Variants in LRRTM4 observed in about 807,000 individuals in gnomAD.
LRRTM4 encodes leucine rich repeat transmembrane neuronal 4, also known as leucine-rich repeat transmembrane neuronal protein 4.
In LRRTM4, 25 loss-of-function variants were observed where a neutral mutation model predicts 47.6. The ratio of observed to expected loss-of-function variants is 0.53; its 90% confidence interval spans 0.38 to 0.73. LRRTM4 has a LOEUF of 0.73. Among genes scored for constraint, LRRTM4 ranks in the 30% least tolerant of loss-of-function variants. The probability of loss-of-function intolerance (pLI) is 0.00; values close to 1 mark genes in which losing one functional copy is unlikely to be tolerated. For missense variants in LRRTM4, 638 were observed against 713.4 expected, an observed-to-expected ratio of 0.89 and a Z score of 1.20; for synonymous variants, 311 against 269.5, an observed-to-expected ratio of 1.15 and a Z score of -1.51.
chr2:77,484,525 T>A (rs1390718823), intron 3 of LRRTM4, among the ~76,000 whole-genome samples: 1 of 152,228 alleles, frequency 6.6e-6, no homozygotes, highest in South Asian at 2.1e-4. Context: ...TTCTGTTTTT[T>A]CTTTTTCTAG....
intron 3 of LRRTM4, among the ~76,000 whole-genome samples, chr2:76,804,439 T>G (rs1444052880): frequency 2.6e-5 from 4 of 152,014 alleles, no homozygotes; most frequent in Non-Finnish European, 4.4e-5. Flanking sequence ...CACTGGAGAT[T>G]ATTCACCATA....
chr2:76,771,318 G>A (rs972152941), intron 3 of LRRTM4, among the ~76,000 whole-genome samples: 2 of 152,104 alleles, frequency 1.3e-5, no homozygotes, highest in African/African-American at 4.8e-5. Flanking sequence ...AGAGGGTTTC[G>A]GTGAGATTTA....
chr2:76,934,518 A>C (rs1012968289), intron 3 of LRRTM4, among the ~76,000 whole-genome samples: 3 of 152,202 alleles, frequency 2.0e-5, no homozygotes, highest in East Asian at 1.9e-4. Flanking sequence ...GTGTGCTGGT[A>C]AATGTGTAAC....
chr2:76,902,396 T>C (rs1289059108), intron 3 of LRRTM4, among the ~76,000 whole-genome samples: 1 of 152,222 alleles, frequency 6.6e-6, no homozygotes, highest in Non-Finnish European at 1.5e-5. Context: ...TGAAACATTA[T>C]AACATATTTT....
At chr2:77,018,547 G>C (rs1678156440) in intron 3 of LRRTM4, among the ~76,000 whole-genome samples, 2 of 152,110 alleles carry the variant, frequency 1.3e-5, no homozygotes, top group Non-Finnish European at 2.9e-5. Flanking sequence ...GCAGAAGGCA[G>C]AAACCAACCT....
intron 3 of LRRTM4, among the ~76,000 whole-genome samples, chr2:77,501,467 G>A (rs1163714050): frequency 6.6e-6 from 1 of 150,394 alleles, no homozygotes; most frequent in African/African-American, 2.4e-5. Flanking sequence ...CGTGAAATTG[G>A]GGAACTAGGT....
Position 77,480,816 on chromosome 2 carries a change from GTGTGTGGAGAGAGAGA to G in LRRTM4, c.1551+37486_1551+37501del, listed in dbSNP as rs917533418. 4.8e-5 allele frequency among the ~76,000 whole-genome samples: 6 copies of G among 124,578 alleles called. No individual in the cohort carries two copies. The South Asian group carries it at 1.3e-3, about 27-fold the overall frequency. The allele number at this position is 124,578 out of a possible 152,430, so 81.7% of individuals were successfully genotyped here. The stretch of plus-strand genomic sequence containing the variant: ...TGTGTGTGTGTGTGTGTGTGTGTGT[GTGTGTGGAGAGAGAGA>G]GAGAGAGAGAGAGAGAGAGAGAGAG... On this transcript the variant is annotated intron_variant, in intron 3 of 3. Transcript: ENST00000409884.
chr2:77,331,112 C>T (rs1006587216), intron 3 of LRRTM4, among the ~76,000 whole-genome samples: 2 of 152,106 alleles, frequency 1.3e-5, no homozygotes, highest in Non-Finnish European at 2.9e-5. Flanking sequence ...AAAGAAAACA[C>T]AACTTTAGGA....
intron 3 of LRRTM4, among the ~76,000 whole-genome samples, chr2:76,988,959 T>C (rs544326509): frequency 6.6e-6 from 1 of 151,938 alleles, no homozygotes; most frequent in Admixed American, 6.6e-5. Flanking sequence ...AAATAATCAC[T>C]TAAAACAGTT....
intron 3 of LRRTM4, among the ~76,000 whole-genome samples, chr2:77,103,513 A>C (rs944137685): frequency 6.6e-6 from 1 of 152,112 alleles, no homozygotes; most frequent in African/African-American, 2.4e-5. Context: ...GGCAGATGAA[A>C]AAAAGCGGAC....
At chr2:77,469,268 G>C (rs775779696) in intron 3 of LRRTM4, among the ~76,000 whole-genome samples, 1 of 152,202 alleles carries the variant, frequency 6.6e-6, no homozygotes, top group Non-Finnish European at 1.5e-5. Context: ...CTGAAAGCAG[G>C]GGCAGTGGGC....
intron 3 of LRRTM4, among the ~76,000 whole-genome samples, chr2:76,963,672 G>A (rs13407005): frequency 6.0e-5 from 9 of 150,782 alleles, no homozygotes; most frequent in South Asian, 2.1e-4. Context: ...TAGGATTTTC[G>A]TACTGTTTCA....
intron 3 of LRRTM4, among the ~76,000 whole-genome samples, chr2:77,041,482 C>G (rs184522399): frequency 8.3e-4 from 126 of 151,478 alleles, no homozygotes; most frequent in African/African-American, 2.7e-3. Flanking sequence ...TTTAAGGAAC[C>G]TCTATATGGT....
At chr2:77,166,220 G>T (rs1175312626) in intron 3 of LRRTM4, among the ~76,000 whole-genome samples, 4 of 152,214 alleles carry the variant, frequency 2.6e-5, no homozygotes, top group Non-Finnish European at 5.9e-5. Context: ...GCTTCAAAGA[G>T]AATAAAATAC....
intron 3 of LRRTM4, among the ~76,000 whole-genome samples, chr2:77,067,611 GA>G (rs1426951047): frequency 2.1e-5 from 3 of 143,082 alleles, no homozygotes; most frequent in Non-Finnish European, 4.6e-5. Context: ...CAGAACTCAG[GA>G]AAAAAAAATA....
intron 3 of LRRTM4, among the ~76,000 whole-genome samples, chr2:77,141,742 A>C (rs1444011282): frequency 6.6e-6 from 1 of 152,160 alleles, no homozygotes; most frequent in African/African-American, 2.4e-5. Context: ...ACTGGCTCCC[A>C]ATTTTGGTAT....
At chr2:77,483,269 G>T (rs1001671763) in intron 3 of LRRTM4, among the ~76,000 whole-genome samples, 1 of 151,834 alleles carries the variant, frequency 6.6e-6, no homozygotes, top group Non-Finnish European at 1.5e-5. Flanking sequence ...TTAAAAGACT[G>T]CTCAAGAATT....
chr2:77,492,328 T>G (rs1558768813), intron 3 of LRRTM4, among the ~76,000 whole-genome samples: 1 of 152,188 alleles, frequency 6.6e-6, no homozygotes, highest in Non-Finnish European at 1.5e-5. Context: ...GGCATGAACA[T>G]AGCTGACTGT....
intron 3 of LRRTM4, among the ~76,000 whole-genome samples, chr2:77,357,606 TA>T (rs1672016004): frequency 6.6e-6 from 1 of 152,184 alleles, no homozygotes; most frequent in African/African-American, 2.4e-5. Context: ...TGCTGGGAGC[TA>T]TATTAGGTGT....
Sources: allele counts gnomAD v4.1 joint callset (sites outside exome capture counted in the v4.1 genomes callset), GRCh38; gene constraint gnomAD v4.1.1; transcripts MANE v1.5; gene names NCBI Gene and HGNC (gene_info 2026-07-23, HGNC 2026-07-21).